Variants in KMT2D observed in about 807,000 individuals in gnomAD.
The protein encoded by KMT2D is lysine methyltransferase 2D, also known as histone-lysine N-methyltransferase 2D.
Under a neutral mutation model 512.7 loss-of-function variants are expected in KMT2D, and 55 were observed. The ratio of observed to expected loss-of-function variants is 0.11; its 90% CI spans 0.09 to 0.13. The LOEUF is 0.13. KMT2D is among the 10% of genes least tolerant of loss of function. KMT2D has a pLI of 1.00. For synonymous variants in KMT2D, 2,995 were observed against 2,904.0 expected (o/e 1.03, Z -1.01); for missense variants, 6,061 against 7,127.9 (o/e 0.85, Z 5.39).
Position 49,031,786 on chromosome 12 carries a change from G to A in KMT2D, c.12919C>T (p.Pro4307Ser), listed in dbSNP as rs779897575. Residue 4307 changes from proline to serine, a missense_variant, in exon 40 of 55, where the codon CCC becomes TCC. By Grantham distance (74) the Pro-to-Ser change is moderately conservative (BLOSUM62 -1). Around this residue, in one of 16 missense-constraint regions of KMT2D, gnomAD observed 1,600 missense variants for 1,754.9 expected, o/e 0.91. Transcript: ENST00000301067. ...STGPVLGPVHPTPPPSSPQEP... is the reference protein window; with the variant it reads ...STGPVLGPVHSTPPPSSPQEP... Reference sequence around the variant, plus strand: ...TGAGGGCTGGATGGTGGAGGTGTGGGATGGACAGGGCCAAGGACTGGTCCT... The same window carrying A: ...TGAGGGCTGGATGGTGGAGGTGTGGAATGGACAGGGCCAAGGACTGGTCCT... 2 of 1,608,918 alleles carry A rather than the reference G, an allele frequency of 1.2e-6. No individual in the cohort carries two copies. The highest frequency in any genetic ancestry group is 3.4e-5 in the Admixed American group (2 of 59,640).
At chr12:49,057,641 C>T (rs945609948) in intron 1 of KMT2D, among the ~76,000 whole-genome samples, 1 of 152,156 alleles carries the variant, frequency 6.6e-6, no homozygotes, top group African/African-American at 2.4e-5. Flanking sequence ...GCCCTCAGTC[C>T]CTATTTCCCC....
rs780048854 is a variant in KMT2D at position 49,041,513 on chromosome 12, T to C, written c.6257A>G (p.Lys2086Arg). Reference sequence around the variant, plus strand: ...GGCTATGTCGCCCACCTTGGTCTGCTTGTTGATCTGGCTCTCAGCCTGCTA... The same window carrying C: ...GGCTATGTCGCCCACCTTGGTCTGCCTGTTGATCTGGCTCTCAGCCTGCTA... ...VQKQAESQIN[K>R]QTKVGDIARK... The change falls in exon 32 of 55, where the codon AAG becomes AGG. Residue 2086 changes from lysine to arginine, a missense_variant. This residue lies in a region of KMT2D where 640 missense variants were observed against 814.3 expected (regional missense o/e 0.79). Transcript: ENST00000301067. The surrounding 1 kb of genome is among the most constrained non-coding windows in gnomAD (Gnocchi z 5.4). The C allele has an allele frequency of 1.9e-6, 3 of 1,613,444 alleles. No individual in the cohort carries two copies. The highest frequency in any genetic ancestry group is 1.7e-6 in the Non-Finnish European group (2 of 1,179,672).
rs762282284 is a variant in KMT2D at position 49,031,047 on chromosome 12, G to C, written c.13531-14C>G. The C allele has an allele frequency of 1.2e-6, 2 of 1,613,494 alleles. No homozygotes were observed. The highest frequency in any genetic ancestry group is 2.2e-5 in the South Asian group (2 of 91,076). Reference sequence around the variant, plus strand: ...TGCTGCTGCATCCTAAGCCAAATAAGCCCATTGAAGGCTGCTACCCTCCTC... The same window carrying C: ...TGCTGCTGCATCCTAAGCCAAATAACCCCATTGAAGGCTGCTACCCTCCTC... On this transcript the variant is annotated splice_polypyrimidine_tract_variant and intron_variant, in intron 40 of 54. Transcript: ENST00000301067.
In KMT2D at chr12:49,038,144, C is replaced by T. The variant is rs794727574; in HGVS notation, c.9212G>A (p.Arg3071Lys). The T allele has an allele frequency of 6.2e-6, 10 of 1,613,860 alleles. No homozygotes were observed. Among genetic ancestry groups the T allele is most frequent in the African/African-American group, 1.3e-5 (1 of 74,924 alleles). ...CTTCTCATTAGCCGATTCTACCAGC[C>T]TCAGGTGCTCATTGAAGATATCCTT... ...DKKDIFNEHL[R>K]LVESANEKAE... Residue 3071 changes from arginine (R) to lysine (K), a missense_variant, in exon 35 of 55, where the codon AGG becomes AAG. Arg to Lys is a conservative substitution (Grantham distance 26). Coordinates refer to ENST00000301067, the MANE Select transcript of KMT2D (RefSeq NM_003482.4). The surrounding 1 kb of genome is among the most constrained non-coding windows in gnomAD (Gnocchi z 5.7).
chr12:49,045,068 A>G (rs1474860253), intron 19 of KMT2D, 103 bp from the exon 20 acceptor site: 6 of 1,145,810 alleles, frequency 5.2e-6, no homozygotes, highest in Non-Finnish European at 6.4e-6. Flanking sequence ...GGCAGTGACA[A>G]AAGTCCAGCT....
chr12:49,031,153 C>T (rs1453132402), intron 40 of KMT2D, 22 bp downstream of exon 40: 2 of 1,606,548 alleles, frequency 1.2e-6, no homozygotes, highest in South Asian at 1.1e-5. Flanking sequence ...TCTACCTGCT[C>T]CACTCTACTC....
chr12:49,039,599 G>A lies in KMT2D; in HGVS notation c.8065C>T (p.Leu2689=), dbSNP rs2120513392. The change falls in exon 33 of 55, where the codon CTG becomes TTG. Residue 2689 remains leucine, a synonymous_variant. Transcript: ENST00000301067. The surrounding 1 kb of genome is among the most constrained non-coding windows in gnomAD (Gnocchi z 5.0). ...KQRQRQRLRE[L]LIRQQIQRNT... is the part of the protein sequence containing the mutation. ...CGCTGGATCTGCTGCCGAATCAGCA[G>A]CTCTCGTAGTCGCTGGCGCTATGCA... The A allele has an allele frequency of 6.2e-7, 1 of 1,609,936 alleles. No homozygotes were observed. The highest frequency in any genetic ancestry group is 8.5e-7 in the Non-Finnish European group (1 of 1,179,512).
rs981915870 is a variant in KMT2D, at chr12:49,042,967, C to T, written c.5645-89G>A. 36 of 1,575,954 alleles carry T rather than the reference C, an allele frequency of 2.3e-5. No individual in the cohort carries two copies. Among genetic ancestry groups the T allele is most frequent in the Non-Finnish European group, 3.1e-5 (36 of 1,148,414 alleles). ...CAAATGATCATGGCCAGGAACAGTC[C>T]AGGACTCCCCACCAGAGAAGCTGTA... On this transcript the variant is annotated intron_variant, in intron 26 of 54. Coordinates refer to ENST00000301067, the MANE Select transcript of KMT2D (RefSeq NM_003482.4). The surrounding 1 kb of genome is among the most constrained non-coding windows in gnomAD (Gnocchi z 4.4).
Position 49,033,239 on chromosome 12 carries a change from G to T in KMT2D, c.11466C>A (p.Gly3822=). The change falls in exon 40 of 55, where the codon GGC becomes GGA. Residue 3822 remains glycine (G), a synonymous_variant. Coordinates refer to ENST00000301067, the MANE Select transcript of KMT2D (RefSeq NM_003482.4). ...GGGTCATAAGCACCTGTCTGTGAGG[G>T]CCCTGGGGGCCCAAAGCTCCAGGGT... ...QQHPGALGPQ[G]PHRQVLMTQS... 1 of 1,553,282 alleles carries T rather than the reference G, an allele frequency of 6.4e-7. No individual in the cohort carries two copies. Among genetic ancestry groups the T allele is most frequent in the Non-Finnish European group, 8.7e-7 (1 of 1,147,968 alleles).
Position 49,052,947 on chromosome 12 carries a change from G to A in KMT2D, c.1080C>T (p.Ser360=), listed in dbSNP as rs369427465. The change falls in exon 9 of 55, where the codon TCC becomes TCT. Residue 360 remains serine, a synonymous_variant. Coordinates refer to ENST00000301067, the MANE Select transcript of KMT2D (RefSeq NM_003482.4). ...ACACCGGGGTATGCTGCTCAGCAAC[G>A]GAGCGGATAGTCTGACCTCCCTGGG... ...HKAQGGQTIR[S]VAEQHTPVCS... is the part of the protein sequence containing the mutation. The A allele has an allele frequency of 1.8e-4, 290 of 1,613,876 alleles. 1 individual carries two copies. The highest frequency in any genetic ancestry group is 3.6e-4 in the African/African-American group (27 of 74,928).
In KMT2D at chr12:49,019,045, G is replaced by T. The variant is rs1942155189; in HGVS notation, c.*2735C>A. 2.2e-6 allele frequency: 3 copies of T among 1,361,246 alleles called. No homozygotes were observed. The highest frequency in any genetic ancestry group is 2.9e-5 in the East Asian group (1 of 34,088). The allele number at this position is 1,361,246 out of a possible 1,614,324, so 84.3% of individuals were successfully genotyped here. A position where few individuals can be genotyped will look rare whatever the true frequency, so the allele number is the denominator to read the frequency against. ...TTGGAAGAAGCAAAATCCAAAACTTGCCCTTTGCCTCTCGCAACATAAATA... is the reference window on the plus strand; with the variant it reads ...TTGGAAGAAGCAAAATCCAAAACTTTCCCTTTGCCTCTCGCAACATAAATA... On this transcript the variant is annotated 3_prime_UTR_variant, in exon 55 of 55. Transcript: ENST00000301067.
rs200156008 is a variant in KMT2D, at chr12:49,031,272, C to G, written c.13433G>C (p.Arg4478Pro). ...RAKNVQLSTG[R>P]GSEGLRAEIN... is the part of the protein sequence containing the mutation. ...CTCAGCTCGCAGCCCCTCGGACCCC[C>G]GCCCAGTGCTGAGTTGCACATTCTT... is the stretch of plus-strand genomic sequence containing the variant. The change falls in exon 40 of 55, where the codon CGG becomes CCG. Residue 4478 changes from arginine to proline, a missense_variant. Around this residue, in one of 16 missense-constraint regions of KMT2D, gnomAD observed 1,600 missense variants for 1,754.9 expected, o/e 0.91. Transcript: ENST00000301067. 6.2e-7 allele frequency: 1 copy of G among 1,613,442 alleles called. No individual in the cohort carries two copies. The highest frequency in any genetic ancestry group is 8.5e-7 in the Non-Finnish European group (1 of 1,179,882).
At chr12:49,023,218 G>A (rs1447501924) in intron 51 of KMT2D, among the ~76,000 whole-genome samples, 1 of 152,124 alleles carries the variant, frequency 6.6e-6, no homozygotes, top group African/African-American at 2.4e-5. Context: ...CATTCTCAAG[G>A]CCATGCTCCT....
chr12:49,053,132 ACACAACTTGT>A, intron 8 of KMT2D, 60 bp from the exon 9 acceptor site: 1 of 1,612,524 alleles, frequency 6.2e-7, no homozygotes, highest in Non-Finnish European at 8.5e-7. Flanking sequence ...AAACGAAAGT[ACACAACTTGT>A]CAAGACAGAG....
rs1298743172 is a variant in KMT2D at position 49,031,233 on chromosome 12, A to T, written c.13472T>A (p.Ile4491Asn). 1.2e-6 allele frequency: 2 copies of T among 1,612,788 alleles called. No homozygotes were observed. The highest frequency in any genetic ancestry group is 4.5e-5 in the East Asian group (2 of 44,836). ...EGLRAEINGHIDSKLAGLEQK... is the reference protein window; with the variant it reads ...EGLRAEINGHNDSKLAGLEQK... ...CTCCAGCCCAGCCAGCTTGCTGTCA[A>T]TGTGCCCGTTGATCTCAGCTCGCAG... Residue 4491 changes from isoleucine to asparagine, a missense_variant, in exon 40 of 55, where the codon ATT (isoleucine) becomes AAT (asparagine). By Grantham distance (149) the Ile-to-Asn change is moderately radical. Around this residue, in one of 16 missense-constraint regions of KMT2D, gnomAD observed 1,600 missense variants for 1,754.9 expected, o/e 0.91. Coordinates refer to ENST00000301067, the MANE Select transcript of KMT2D (RefSeq NM_003482.4).
In KMT2D at chr12:49,041,692, T is replaced by C. The variant is rs549206742; in HGVS notation, c.6197A>G (p.Asp2066Gly). ...DKAPYLQKAK[D>G]NRAAHRINKV... ...GTTGATGCGGTGAGCTGCCCGGTTA[T>C]CTTTGGCCTTTTGCTGAGGGATATG... The change falls in exon 31 of 55, where the codon GAT (aspartate) becomes GGT (glycine). Residue 2066 changes from aspartate to glycine, a missense_variant. Physicochemically the swap from Asp to Gly is moderately conservative, Grantham distance 94. Coordinates refer to ENST00000301067, the MANE Select transcript of KMT2D (RefSeq NM_003482.4). This position sits in a 1 kb window ranked among gnomAD's most constrained non-coding sequence, Gnocchi z 5.4. The C allele has an allele frequency of 1.2e-6, 2 of 1,612,058 alleles. No individual in the cohort carries two copies. The highest frequency in any genetic ancestry group is 2.2e-5 in the South Asian group (2 of 90,818).
intron 15 of KMT2D, among the ~76,000 whole-genome samples, chr12:49,047,335 G>C (rs1479678982): frequency 2.0e-5 from 3 of 149,926 alleles, no homozygotes; most frequent in Non-Finnish European, 4.4e-5. Context: ...ATTGTGAATA[G>C]AATAGCAATC....
At position 49,037,870 on chromosome 12, in the gene KMT2D, G is replaced by T. The variant is rs1943299676; in HGVS notation, c.9486C>A (p.Gly3162=). Residue 3162 remains glycine (G), a synonymous_variant, in exon 35 of 55, where the codon GGC becomes GGA. Coordinates refer to ENST00000301067, the MANE Select transcript of KMT2D (RefSeq NM_003482.4). ...LGLKPGQSMM[G]SRDTRMGTGP... is the part of the protein sequence containing the mutation. ...CTGTGCCCATCCGGGTATCCCGGCT[G>T]CCCATCATGCTCTGTCCTGGCTTTA... 6.3e-7 allele frequency: 1 copy of T among 1,597,196 alleles called. No individual in the cohort carries two copies.
rs767836855 is a variant in KMT2D, at chr12:49,051,511, G to A, written c.2172C>T (p.Pro724=). 2.5e-6 allele frequency: 4 copies of A among 1,613,736 alleles called. No individual in the cohort carries two copies. Among genetic ancestry groups the A allele is most frequent in the Non-Finnish European group, 2.5e-6 (3 of 1,179,742 alleles). The change falls in exon 11 of 55, where the codon CCC becomes CCT. Residue 724 remains proline, a synonymous_variant. Coordinates refer to ENST00000301067, the MANE Select transcript of KMT2D (RefSeq NM_003482.4). ...SLMSLPLEES[P]LLPLPEEPQL... is the part of the protein sequence containing the mutation. ...GCGGCTCCTCAGGTAGTGGCAACAG[G>A]GGTGACTCCTCCAGCGGCAGGGACA...
Sources: allele counts gnomAD v4.1 joint callset (sites outside exome capture counted in the v4.1 genomes callset), GRCh38; gene constraint gnomAD v4.1.1; regional missense constraint gnomAD v4.1.1; non-coding constraint Gnocchi (gnomAD v3.1); transcripts MANE v1.5; gene names NCBI Gene and HGNC (gene_info 2026-07-23, HGNC 2026-07-21).